Variants in ADAMTSL2 observed in about 807,000 individuals in gnomAD.
ADAMTSL2 encodes the protein ADAMTS-like protein 2.
A neutral mutation model predicts 117.0 loss-of-function variants in ADAMTSL2; 55 were observed. The observed-to-expected ratio is 0.47, with a 90% CI of 0.38 to 0.59. The LOEUF is 0.59. Ranked by LOEUF, ADAMTSL2 falls within the 20% of genes least tolerant of loss-of-function variation. ADAMTSL2 has a pLI of 0.00. For synonymous variants in ADAMTSL2, 572 were observed against 566.4 expected (o/e 1.01, Z -0.14); for missense variants, 1,182 against 1,354.5 (o/e 0.87, Z 2.00).
chr9:133,544,388 C>T (rs1382029879), intron 7 of ADAMTSL2, 82 bp from the exon 8 acceptor site: 2 of 1,160,972 alleles, frequency 1.7e-6, no homozygotes, highest in African/African-American at 1.5e-5. Context: ...CGCTCACCCT[C>T]CAATAGCTGT....
chr9:133,553,138 G>C (rs1387562657), intron 9 of ADAMTSL2, among the ~76,000 whole-genome samples: 1 of 152,194 alleles, frequency 6.6e-6, no homozygotes, highest in African/African-American at 2.4e-5. Flanking sequence ...CAGGGGTGGC[G>C]CTGGCTTTAA....
Position 133,547,025 on chromosome 9 carries a change from T to A in ADAMTSL2, c.764-13T>A. ...AGTTTGGCCTTTTGTGACCGGCGGC[T>A]TTGCCCTTCCAGCTCTTGCAGACGA... On this transcript the variant is annotated splice_polypyrimidine_tract_variant and intron_variant, in intron 8 of 18. Coordinates refer to ENST00000651351, the MANE Select transcript of ADAMTSL2 (RefSeq NM_014694.4). 6.2e-7 allele frequency: 1 copy of A among 1,613,648 alleles called. No homozygotes were observed. The highest frequency in any genetic ancestry group is 8.5e-7 in the Non-Finnish European group (1 of 1,179,664).
At chr9:133,538,534 C>A in intron 4 of ADAMTSL2, 110 bp downstream of exon 4, 1 of 1,305,402 alleles carries the variant, frequency 7.7e-7, no homozygotes, top group Non-Finnish European at 1.1e-6. Context: ...CTGTTGTGGG[C>A]TGCTCTTCAA....
intron 12 of ADAMTSL2, among the ~76,000 whole-genome samples, chr9:133,565,674 T>C (rs1830953195): frequency 6.6e-6 from 1 of 152,202 alleles, no homozygotes; most frequent in African/African-American, 2.4e-5. Flanking sequence ...CATCCAGCGC[T>C]GGGGCTTGGA....
chr9:133,540,399 G>A lies in ADAMTSL2; in HGVS notation c.413-199G>A, dbSNP rs55750924. ...CCCCACTCACGAGGAGGTAGAAGCT[G>A]GAACTCACGGGGTGTGGGCTGAGCC... On this transcript the variant is annotated intron_variant, in intron 5 of 18. Transcript: ENST00000651351. Among the ~76,000 whole-genome samples, 10,054 of 152,304 alleles carry A rather than the reference G, an allele frequency of 0.066. 386 individuals are homozygous for A. Among genetic ancestry groups the A allele is most frequent in the African/African-American group, 0.081 (3,382 of 41,552 alleles).
intron 11 of ADAMTSL2, among the ~76,000 whole-genome samples, chr9:133,560,841 T>G (rs1365044594): frequency 6.6e-6 from 1 of 152,164 alleles, no homozygotes; most frequent in Non-Finnish European, 1.5e-5. Context: ...CTAGCTGATG[T>G]GAGAAGGTAA....
At position 133,554,373 on chromosome 9, in the gene ADAMTSL2, G is replaced by A; in HGVS notation, c.956G>A (p.Gly319Asp). ...TTTCCCTAGGTGTGGAACCAGAACG[G>A]CAAAAGCCCCTCCATCACCTTCGAG... is the stretch of plus-strand genomic sequence containing the variant. ...GLNVMVWNQN[G>D]KSPSITFEYT... is the part of the protein sequence containing the mutation. Residue 319 changes from glycine to aspartate, a missense_variant, in exon 10 of 19, where the codon GGC becomes GAC. Gly to Asp is a moderately conservative substitution (Grantham distance 94). Transcript: ENST00000651351. This position sits in a 1 kb window ranked among gnomAD's most constrained non-coding sequence, Gnocchi z 5.2. 2 of 1,555,930 alleles carry A rather than the reference G, an allele frequency of 1.3e-6. No homozygotes were observed. Among genetic ancestry groups the A allele is most frequent in the African/African-American group, 1.3e-5 (1 of 74,362 alleles).
intron 11 of ADAMTSL2, among the ~76,000 whole-genome samples, 193 bp from the exon 12 acceptor site, chr9:133,561,005 G>A (rs1482762396): frequency 6.6e-6 from 1 of 152,238 alleles, no homozygotes; most frequent in Non-Finnish European, 1.5e-5. Flanking sequence ...CCCCTCTGCG[G>A]GCGCCTCATC....
chr9:133,568,977 C>T (rs1831041841), intron 15 of ADAMTSL2, among the ~76,000 whole-genome samples: 1 of 152,174 alleles, frequency 6.6e-6, no homozygotes, highest in African/African-American at 2.4e-5. Flanking sequence ...CTCTGTATCT[C>T]TCTCTGCCTT....
intron 4 of ADAMTSL2, among the ~76,000 whole-genome samples, chr9:133,539,309 G>A (rs1331329052): frequency 6.6e-6 from 1 of 152,204 alleles, no homozygotes; most frequent in African/African-American, 2.4e-5. Flanking sequence ...TTGTCTGCAC[G>A]CTGGGTTCCT....
chr9:133,534,529 C>G, upstream of ADAMTSL2: 2 of 686,570 alleles, frequency 2.9e-6, no homozygotes, highest in East Asian at 3.5e-5. Context: ...GCCGCCGCCG[C>G]CGGCAGCAGC....
At chr9:133,536,490 G>T (rs779798976) in intron 1 of ADAMTSL2, 73 bp from the exon 2 acceptor site, 7 of 1,485,992 alleles carry the variant, frequency 4.7e-6, no homozygotes, top group Non-Finnish European at 5.4e-6. Flanking sequence ...CCTGAAGCAG[G>T]CATTACTAAT....
intron 1 of ADAMTSL2, among the ~76,000 whole-genome samples, chr9:133,535,457 G>A: frequency 6.6e-6 from 1 of 152,184 alleles, no homozygotes; most frequent in East Asian, 1.9e-4. Context: ...CCGGGCTGCA[G>A]TGGTGTCCTT....
At chr9:133,568,907 A>G (rs1831040397) in intron 15 of ADAMTSL2, 149 bp downstream of exon 15, 1 of 1,067,356 alleles carries the variant, frequency 9.4e-7, no homozygotes, top group African/African-American at 1.6e-5. Context: ...TATTATAGGA[A>G]TCAAAACTTC....
At chr9:133,565,971 G>A (rs1830963607) in intron 12 of ADAMTSL2, among the ~76,000 whole-genome samples, 1 of 152,168 alleles carries the variant, frequency 6.6e-6, no homozygotes, top group Non-Finnish European at 1.5e-5. Context: ...CAGGGAGCTG[G>A]GCCTGTGTGG....
intron 9 of ADAMTSL2, among the ~76,000 whole-genome samples, chr9:133,550,767 C>T (rs1442559182): frequency 1.3e-5 from 2 of 152,102 alleles, no homozygotes; most frequent in Non-Finnish European, 2.9e-5. Flanking sequence ...TAGCTTCCAT[C>T]CCTTCCTCCA....
At chr9:133,546,978 G>C in intron 8 of ADAMTSL2, 60 bp from the exon 9 acceptor site, 1 of 1,549,806 alleles carries the variant, frequency 6.5e-7, no homozygotes, top group Non-Finnish European at 8.9e-7. Context: ...CTGAGTTGGT[G>C]ACACTGGCTC....
In ADAMTSL2 at chr9:133,555,758, G is replaced by A. The variant is rs886063642; in HGVS notation, c.1477G>A (p.Glu493Lys). ...GGGCGCCCCAAGGAGCTCCCTGGCCGAGAGCTTCTTCGTGGATTATGAGGA... is the reference window on the plus strand; with the variant it reads ...GGGCGCCCCAAGGAGCTCCCTGGCCAAGAGCTTCTTCGTGGATTATGAGGA... ...AQGAPRSSLA[E>K]SFFVDYEENE... The change falls in exon 11 of 19, where the codon GAG becomes AAG. Residue 493 changes from glutamate to lysine, a missense_variant. Transcript: ENST00000651351. The A allele has an allele frequency of 1.8e-4, 283 of 1,614,036 alleles. No homozygotes were observed. The highest frequency in any genetic ancestry group is 5.0e-4 in the Admixed American group (30 of 60,034).
chr9:133,541,872 C>T (rs1830233377), intron 7 of ADAMTSL2, among the ~76,000 whole-genome samples: 1 of 152,200 alleles, frequency 6.6e-6, no homozygotes, highest in South Asian at 2.1e-4. Flanking sequence ...AGGGATGTCA[C>T]TTGTAATGCT....
Sources: gnomAD v4.1 joint callset for allele counts (sites outside exome capture counted in the v4.1 genomes callset) on GRCh38, gnomAD v4.1.1 for gene constraint, Gnocchi (gnomAD v3.1) non-coding constraint, MANE v1.5 for transcripts, NCBI Gene and HGNC (gene_info 2026-07-23, HGNC 2026-07-21) for gene names.